The following ABI1 variants were observed in gnomAD, a reference collection of about 807,000 sequenced individuals.
ABI1 encodes the protein Abelson interactor 1.
In ABI1, 14 loss-of-function variants were observed where a neutral mutation model predicts 54.6. The ratio of observed to expected loss-of-function variants is 0.26; its 90% CI spans 0.17 to 0.40. The LOEUF is 0.40. Among genes scored for constraint, ABI1 ranks in the 10% least tolerant of loss-of-function variants. ABI1 has a pLI of 1.00. For missense variants in ABI1, 443 were observed against 598.3 expected (o/e 0.74, Z 2.71); for synonymous variants, 194 against 209.3 (o/e 0.93, Z 0.63).
intron 3 of ABI1, among the ~76,000 whole-genome samples, chr10:26,771,649 G>A (rs936266244): frequency 4.8e-4 from 73 of 152,214 alleles, no homozygotes; most frequent in Admixed American, 1.4e-3. Flanking sequence ...AATTCATCAT[G>A]CACAGTGATA....
At chr10:26,857,586 G>A (rs1215362982) in intron 1 of ABI1, among the ~76,000 whole-genome samples, 1 of 148,592 alleles carries the variant, frequency 6.7e-6, no homozygotes, top group African/African-American at 2.5e-5. Context: ...TGAGGCTGCA[G>A]TAAGCCATGA....
chr10:26,832,142 G>A (rs755281068), intron 1 of ABI1, among the ~76,000 whole-genome samples: 17 of 152,136 alleles, frequency 1.1e-4, no homozygotes, highest in Admixed American at 7.9e-4. Context: ...TGCCATGACC[G>A]CTGACTGGCT....
At chr10:26,838,510 C>G (rs2049259904) in intron 1 of ABI1, among the ~76,000 whole-genome samples, 1 of 152,034 alleles carries the variant, frequency 6.6e-6, no homozygotes, top group African/African-American at 2.4e-5. Context: ...GGGAATATAC[C>G]ACAAGGCTCC....
At chr10:26,801,595 A>G (rs1341002800) in intron 2 of ABI1, among the ~76,000 whole-genome samples, 1 of 152,186 alleles carries the variant, frequency 6.6e-6, no homozygotes, top group Non-Finnish European at 1.5e-5. Context: ...TTTAGGGGCA[A>G]TGAGAGCATC....
intron 1 of ABI1, among the ~76,000 whole-genome samples, chr10:26,850,689 G>A (rs928403166): frequency 2.6e-5 from 4 of 151,374 alleles, no homozygotes; most frequent in Non-Finnish European, 4.4e-5. Flanking sequence ...AGAAAAGAAT[G>A]ATGCCCAGGT....
At chr10:26,786,220 CTT>C (rs112500030) in intron 2 of ABI1, among the ~76,000 whole-genome samples, 5,891 of 146,514 alleles carry the variant, frequency 0.04, 156 homozygotes, top group South Asian at 0.071. Flanking sequence ...CCTCTCTACA[CTT>C]TTTTTTTTTT....
intron 2 of ABI1, among the ~76,000 whole-genome samples, chr10:26,820,379 G>C (rs2133753566): frequency 6.6e-6 from 1 of 151,876 alleles, no homozygotes; most frequent in African/African-American, 2.4e-5. Context: ...AATCAAATGA[G>C]GTGTATTTTT....
chr10:26,858,786 G>A (rs1166621487), intron 1 of ABI1, among the ~76,000 whole-genome samples: 3 of 151,986 alleles, frequency 2.0e-5, no homozygotes, highest in South Asian at 4.2e-4. Context: ...ATAGTACACA[G>A]ACAGGTTAAA....
intron 2 of ABI1, among the ~76,000 whole-genome samples, chr10:26,799,803 T>C (rs2046424850): frequency 6.6e-6 from 1 of 152,282 alleles, no homozygotes; most frequent in Middle Eastern, 3.4e-3. Context: ...GCAAAATCAA[T>C]TATTCCCAAT....
intron 7 of ABI1, among the ~76,000 whole-genome samples, chr10:26,764,681 AAAAT>A (rs1839686223): frequency 6.6e-6 from 1 of 152,218 alleles, no homozygotes; most frequent in African/African-American, 2.4e-5. Context: ...TTCAGGGAAA[AAAAT>A]AGATGGCTAC....
At chr10:26,856,433 CAAAAAAAAAAAAAAA>C (rs58195958) in intron 1 of ABI1, among the ~76,000 whole-genome samples, 6 of 57,772 alleles carry the variant, frequency 1.0e-4, no homozygotes, top group South Asian at 5.5e-4. Context: ...ATCTGTTACT[CAAAAAAAAAAAAAAA>C]AAAAAAAAAA....
rs769565941 is a variant in ABI1, at chr10:26,748,727, T to A, written c.1289A>T (p.Tyr430Phe). 1.2e-6 allele frequency: 2 copies of A among 1,611,864 alleles called. No individual in the cohort carries two copies. The highest frequency in any genetic ancestry group is 2.2e-5 in the South Asian group (2 of 90,932). The stretch of plus-strand genomic sequence containing the variant: ...CAGCTCATCATCCTTGTCTTTTGTA[T>A]AATCATATATTGCAACAACTATGGA... The part of the protein sequence containing the change: ...YIEKVVAIYD[Y>F]TKDKDDELSF... Residue 430 changes from tyrosine (Y) to phenylalanine (F), a missense_variant, in exon 11 of 11, where the codon TAT becomes TTT. Coordinates refer to ENST00000376140, the MANE Select transcript of ABI1 (RefSeq NM_001012750.3).
chr10:26,790,876 C>T (rs1843338614), intron 2 of ABI1, among the ~76,000 whole-genome samples: 1 of 151,918 alleles, frequency 6.6e-6, no homozygotes, highest in Non-Finnish European at 1.5e-5. Context: ...CGAGACTAGC[C>T]TAGGCAACAT....
At chr10:26,851,466 C>T (rs1212598522) in intron 1 of ABI1, among the ~76,000 whole-genome samples, 1 of 141,442 alleles carries the variant, frequency 7.1e-6, no homozygotes, top group East Asian at 2.2e-4. Context: ...ACTGGGATTA[C>T]AGACTTGAGC....
At chr10:26,819,219 A>C (rs11015315) in intron 2 of ABI1, among the ~76,000 whole-genome samples, 10,480 of 151,840 alleles carry the variant, frequency 0.069, 383 homozygotes, top group East Asian at 0.14. Context: ...CACCCCCCCC[A>C]AAAAAAATTC....
chr10:26,853,788 C>G (rs930722469), intron 1 of ABI1, among the ~76,000 whole-genome samples: 2 of 151,994 alleles, frequency 1.3e-5, no homozygotes, highest in Non-Finnish European at 2.9e-5. Context: ...ATGATCCGCC[C>G]GCCTCATCCT....
intron 2 of ABI1, among the ~76,000 whole-genome samples, chr10:26,816,990 G>GTGTA (rs1176646523): frequency 8.4e-6 from 1 of 118,712 alleles, no homozygotes; most frequent in Non-Finnish European, 1.9e-5. Flanking sequence ...AAGACTTTGT[G>GTGTA]TGTGTGTGTG....
At chr10:26,770,411 G>T in intron 4 of ABI1, 66 bp from the exon 5 acceptor site, 1 of 1,400,314 alleles carries the variant, frequency 7.1e-7, no homozygotes. Flanking sequence ...TTAACACCAT[G>T]TATTATTTTT....
At chr10:26,839,646 C>G (rs2049337919) in intron 1 of ABI1, 1 of 612,276 alleles carries the variant, frequency 1.6e-6, no homozygotes, top group South Asian at 1.9e-5. Context: ...AGAAGTACTT[C>G]TGTTTAAAAA....
Sources: allele counts gnomAD v4.1 joint callset (sites outside exome capture counted in the v4.1 genomes callset), GRCh38; gene constraint gnomAD v4.1.1; transcripts MANE v1.5; gene names NCBI Gene and HGNC (gene_info 2026-07-23, HGNC 2026-07-21).